Variants in LRRC8D observed in about 807,000 individuals in gnomAD.
LRRC8D encodes the protein leucine rich repeat containing 8 VRAC subunit D, also known as volume-regulated anion channel subunit LRRC8D.
Under a neutral mutation model 55.8 loss-of-function variants are expected in LRRC8D, and 20 were observed. That is an observed-to-expected ratio of 0.36 (90% confidence interval 0.25 to 0.52). The LOEUF (loss-of-function observed/expected upper bound fraction) is 0.52, where lower values mean the gene tolerates loss of function less well. Ranked by LOEUF, LRRC8D falls within the 20% of genes least tolerant of loss-of-function variation. The probability of loss-of-function intolerance (pLI) is 0.93; values close to 1 mark genes in which losing one functional copy is unlikely to be tolerated. For missense variants in LRRC8D, 651 were observed against 1,030.8 expected, an observed-to-expected ratio of 0.63 and a Z score of 5.05; for synonymous variants, 352 against 377.0, an observed-to-expected ratio of 0.93 and a Z score of 0.77.
intron 1 of LRRC8D, 38 bp from the exon 2 acceptor site, chr1:89,843,600 T>C: frequency 2.9e-6 from 2 of 689,600 alleles, no homozygotes; most frequent in South Asian, 3.0e-5. Flanking sequence ...GACACTTGGA[T>C]CTCTCTAGCT....
At chr1:89,909,865 CAAA>C (rs199845267) in intron 2 of LRRC8D, among the ~76,000 whole-genome samples, 14 of 93,840 alleles carry the variant, frequency 1.5e-4, no homozygotes, top group Admixed American at 1.2e-4. Context: ...GACTCCGTCT[CAAA>C]AAAAAAAAAA....
rs533805555 is a variant in LRRC8D, at chr1:89,909,683, G to A, written c.-2-23384G>A. On this transcript the variant is annotated intron_variant, in intron 2 of 2. Coordinates refer to ENST00000337338, the MANE Select transcript of LRRC8D (RefSeq NM_001134479.2). ...AGATCGAGACCATCCTGGCTAACAC[G>A]GTGAAACCCCGTCTCTACTAAAAAT... Among the ~76,000 whole-genome samples the A allele has an allele frequency of 1.2e-4, 19 of 152,020 alleles. No individual in the cohort carries two copies. In the East Asian group the frequency reaches 1.6e-3, roughly 12 times the overall value.
intron 1 of LRRC8D, among the ~76,000 whole-genome samples, chr1:89,830,902 A>G (rs921196533): frequency 1.5e-5 from 2 of 136,928 alleles, no homozygotes; most frequent in Non-Finnish European, 3.2e-5. Context: ...AGCACAATAC[A>G]CTTTTTTTTT....
chr1:89,832,720 T>G (rs1660916196), intron 1 of LRRC8D, among the ~76,000 whole-genome samples: 1 of 152,180 alleles, frequency 6.6e-6, no homozygotes, highest in African/African-American at 2.4e-5. Context: ...TATCAGGAAG[T>G]GAAACTTGTA....
chr1:89,889,675 G>T (rs1452164882), intron 2 of LRRC8D, among the ~76,000 whole-genome samples: 3 of 150,330 alleles, frequency 2.0e-5, no homozygotes, highest in Non-Finnish European at 4.4e-5. Flanking sequence ...TGAAGTCAGG[G>T]GTTCGAGACC....
At chr1:89,870,067 C>T (rs144797781) in intron 2 of LRRC8D, among the ~76,000 whole-genome samples, 19,244 of 151,888 alleles carry the variant, frequency 0.13, 1,411 homozygotes, top group East Asian at 0.33. Context: ...AAGATTGCAC[C>T]ACTGCACTCC....
At chr1:89,833,279 T>C (rs1570803186) in intron 1 of LRRC8D, among the ~76,000 whole-genome samples, 1 of 152,180 alleles carries the variant, frequency 6.6e-6, no homozygotes, top group Non-Finnish European at 1.5e-5. Flanking sequence ...ACAGTTTCCA[T>C]CTAGGAACAG....
rs1407650097 is a variant in LRRC8D at position 89,869,522 on chromosome 1, T to G, written c.-3+25740T>G. On this transcript the variant is annotated intron_variant, in intron 2 of 2. Coordinates refer to ENST00000337338, the MANE Select transcript of LRRC8D (RefSeq NM_001134479.2). ...AGTGATGGGGAGAATGGAACCAAGT[T>G]GGAAGATACACTTCAGGATATTATC... Among the ~76,000 whole-genome samples the G allele has an allele frequency of 2.0e-5, 3 of 152,284 alleles. No homozygotes were observed. The East Asian group carries it at 5.8e-4, about 29-fold the overall frequency.
intron 2 of LRRC8D, among the ~76,000 whole-genome samples, chr1:89,916,320 A>T (rs558622893): frequency 2.8e-4 from 42 of 152,396 alleles, no homozygotes; most frequent in African/African-American, 9.6e-4. Flanking sequence ...GATGCTAAGT[A>T]CTTAGAAACA....
chr1:89,844,433 C>T (rs537949734), intron 2 of LRRC8D, among the ~76,000 whole-genome samples: 58 of 152,322 alleles, frequency 3.8e-4, no homozygotes, highest in Non-Finnish European at 7.5e-4. Context: ...GAATGAGGCA[C>T]AGCAGCGAGT....
chr1:89,892,620 G>A (rs543826854), intron 2 of LRRC8D, among the ~76,000 whole-genome samples: 3 of 152,126 alleles, frequency 2.0e-5, no homozygotes, highest in Non-Finnish European at 2.9e-5. Flanking sequence ...CTGGGTTCAC[G>A]CCATTTTCCT....
At chr1:89,821,408 G>C (rs1243056582) in intron 1 of LRRC8D, 117 bp downstream of exon 1, 1 of 152,194 alleles carries the variant, frequency 6.6e-6, no homozygotes, top group Non-Finnish European at 1.5e-5. Flanking sequence ...CCCGAGCTGC[G>C]GTTGCGGCCG....
At chr1:89,881,686 T>C (rs1210137008) in intron 2 of LRRC8D, among the ~76,000 whole-genome samples, 1 of 152,126 alleles carries the variant, frequency 6.6e-6, no homozygotes, top group Non-Finnish European at 1.5e-5. Flanking sequence ...GCTCAAGACA[T>C]GAATGGCCTG....
At chr1:89,897,318 T>G (rs546027827) in intron 2 of LRRC8D, among the ~76,000 whole-genome samples, 87 of 152,210 alleles carry the variant, frequency 5.7e-4, no homozygotes, top group Non-Finnish European at 1.1e-3. Flanking sequence ...GGTTGAGTAT[T>G]AAGGGAACAC....
At chr1:89,822,117 G>T (rs1344878735) in intron 1 of LRRC8D, 2 of 152,666 alleles carry the variant, frequency 1.3e-5, no homozygotes, top group African/African-American at 4.8e-5. Flanking sequence ...GCAGATAAAT[G>T]AGATTTTTTG....
intron 2 of LRRC8D, among the ~76,000 whole-genome samples, chr1:89,873,123 A>G (rs181923768): frequency 6.0e-4 from 91 of 152,298 alleles, no homozygotes; most frequent in African/African-American, 2.0e-3. Flanking sequence ...GGCTTCTGTA[A>G]TTGTACAGGG....
At chr1:89,845,858 C>G (rs1456109693) in intron 2 of LRRC8D, among the ~76,000 whole-genome samples, 1 of 151,714 alleles carries the variant, frequency 6.6e-6, no homozygotes, top group Admixed American at 6.6e-5. Context: ...CTTGGCTTAC[C>G]ACAACCTCCG....
intron 2 of LRRC8D, among the ~76,000 whole-genome samples, chr1:89,865,239 T>C (rs1661812694): frequency 6.6e-6 from 1 of 151,864 alleles, no homozygotes; most frequent in African/African-American, 2.4e-5. Flanking sequence ...ACACAACCTG[T>C]GAATGAATTT....
chr1:89,908,402 G>T (rs1170276296), intron 2 of LRRC8D, among the ~76,000 whole-genome samples: 2 of 152,150 alleles, frequency 1.3e-5, no homozygotes, highest in Non-Finnish European at 2.9e-5. Context: ...GATGAAAGAA[G>T]ACTAGAACCC....
Sources: gnomAD v4.1 joint callset for allele counts (sites outside exome capture counted in the v4.1 genomes callset) on GRCh38, gnomAD v4.1.1 for gene constraint, MANE v1.5 for transcripts, NCBI Gene and HGNC (gene_info 2026-07-23, HGNC 2026-07-21) for gene names.